CCDC102B: variants seen among roughly 807,000 people sequenced by gnomAD.
The protein encoded by CCDC102B is coiled-coil domain-containing protein 102B.
CCDC102B carries 75 observed loss-of-function variants against 57.4 expected under a neutral mutation model. The observed-to-expected ratio is 1.31, with a 90% CI of 1.08 to 1.58. CCDC102B has a LOEUF of 1.58. CCDC102B is among the 40% of genes most tolerant of loss of function. The pLI is 0.00. For synonymous variants in CCDC102B, 206 were observed against 201.9 expected (o/e 1.02, Z -0.17); for missense variants, 636 against 582.6 (o/e 1.09, Z -0.94).
At chr18:68,963,817 A>G (rs2050105212) in intron 6 of CCDC102B, among the ~76,000 whole-genome samples, 1 of 151,868 alleles carries the variant, frequency 6.6e-6, no homozygotes, top group African/African-American at 2.4e-5. Context: ...GTATGTATGT[A>G]TGTATGTATG....
rs905152836 is a variant in CCDC102B at position 68,959,907 on chromosome 18, A to C, written c.1264-51027A>C. Among the ~76,000 whole-genome samples the C allele has an allele frequency of 4.6e-5, 7 of 152,132 alleles. No homozygotes were observed. The East Asian group carries it at 1.4e-3, about 30-fold the overall frequency. ...AGGGTAGTGGGCTCCCCTCTGGCCCAGGACTGGTTCAGCAATGCTGTCCAG... is the reference window on the plus strand; with the variant it reads ...AGGGTAGTGGGCTCCCCTCTGGCCCCGGACTGGTTCAGCAATGCTGTCCAG... On this transcript the variant is annotated intron_variant, in intron 6 of 7. Coordinates refer to ENST00000360242, the MANE Select transcript of CCDC102B (RefSeq NM_024781.3).
At chr18:68,879,183 T>G (rs2039577411) in intron 5 of CCDC102B, among the ~76,000 whole-genome samples, 1 of 152,002 alleles carries the variant, frequency 6.6e-6, no homozygotes, top group Non-Finnish European at 1.5e-5. Context: ...TTACAGCTCT[T>G]AAGGCAGCAT....
chr18:68,875,128 T>C (rs984771292), intron 5 of CCDC102B, among the ~76,000 whole-genome samples: 5 of 152,272 alleles, frequency 3.3e-5, no homozygotes, highest in African/African-American at 1.2e-4. Context: ...ATACAAGATA[T>C]GTGTCATGCA....
intron 7 of CCDC102B, among the ~76,000 whole-genome samples, chr18:69,047,585 G>C (rs1289132655): frequency 2.0e-5 from 3 of 152,066 alleles, no homozygotes; most frequent in Admixed American, 1.3e-4. Flanking sequence ...AATTGGAAGA[G>C]AGAATGTGAG....
intron 2 of CCDC102B, among the ~76,000 whole-genome samples, chr18:68,763,036 T>A (rs2034306218): frequency 6.6e-6 from 1 of 152,128 alleles, no homozygotes; most frequent in African/African-American, 2.4e-5. Flanking sequence ...TATAGCATTA[T>A]TTCTGATATT....
rs79537054 is a variant in CCDC102B at position 68,894,052 on chromosome 18, A to G, written c.1054-3167A>G. On this transcript the variant is annotated intron_variant, in intron 5 of 7. Coordinates refer to ENST00000360242, the MANE Select transcript of CCDC102B (RefSeq NM_024781.3). Reference sequence around the variant, plus strand: ...AGCTTAAATATCAATCATTTCCTCAAACAACCTTCTCCTTTTACCTGATTT... The same window carrying G: ...AGCTTAAATATCAATCATTTCCTCAGACAACCTTCTCCTTTTACCTGATTT... Among the ~76,000 whole-genome samples, 1,293 of 152,034 alleles carry G rather than the reference A, an allele frequency of 8.5e-3. 18 individuals carry two copies. Among genetic ancestry groups the G allele is most frequent in the African/African-American group, 0.03 (1,241 of 41,510 alleles).
chr18:68,879,812 G>C (rs2039608769), intron 5 of CCDC102B, among the ~76,000 whole-genome samples: 1 of 152,170 alleles, frequency 6.6e-6, no homozygotes, highest in South Asian at 2.1e-4. Flanking sequence ...ACAGGGTGCT[G>C]ATTGGTGCAT....
intron 6 of CCDC102B, among the ~76,000 whole-genome samples, chr18:68,914,839 C>T (rs1194871622): frequency 6.6e-6 from 1 of 152,168 alleles, no homozygotes; most frequent in Non-Finnish European, 1.5e-5. Flanking sequence ...AGGAACTCAA[C>T]TCTCATTTAT....
At chr18:68,930,922 T>C (rs1394044122) in intron 6 of CCDC102B, among the ~76,000 whole-genome samples, 2 of 151,934 alleles carry the variant, frequency 1.3e-5, no homozygotes, top group African/African-American at 4.8e-5. Context: ...ATACACTTTT[T>C]TTTTTCAAAT....
intron 6 of CCDC102B, among the ~76,000 whole-genome samples, chr18:68,962,145 C>G (rs772630463): frequency 2.6e-5 from 4 of 152,044 alleles, no homozygotes; most frequent in Non-Finnish European, 5.9e-5. Context: ...CCATGTTTTG[C>G]TTTAGTTTCC....
chr18:68,787,613 C>T (rs1314122456), intron 2 of CCDC102B, among the ~76,000 whole-genome samples: 5 of 150,446 alleles, frequency 3.3e-5, no homozygotes, highest in African/African-American at 7.4e-5. Context: ...AGTTTATTTG[C>T]GTAGAGGTGT....
chr18:68,952,499 A>G (rs1362617615), intron 6 of CCDC102B, among the ~76,000 whole-genome samples: 1 of 152,138 alleles, frequency 6.6e-6, no homozygotes, highest in African/African-American at 2.4e-5. Flanking sequence ...AGGAACCAGG[A>G]AGGAAAAAGT....
At chr18:68,861,719 C>T (rs2038767875) in intron 4 of CCDC102B, among the ~76,000 whole-genome samples, 1 of 152,172 alleles carries the variant, frequency 6.6e-6, no homozygotes, top group African/African-American at 2.4e-5. Context: ...CAAGTATGCA[C>T]TGGTCACCAC....
intron 7 of CCDC102B, among the ~76,000 whole-genome samples, chr18:69,040,119 A>G (rs1197303072): frequency 2.0e-5 from 3 of 151,946 alleles, no homozygotes; most frequent in East Asian, 1.9e-4. Context: ...TATCTATTAC[A>G]TGAGGAATGA....
chr18:68,913,305 A>AGTGTGTGTGTGT (rs1191988172), intron 6 of CCDC102B, among the ~76,000 whole-genome samples: 21 of 29,500 alleles, frequency 7.1e-4, no homozygotes, highest in Admixed American at 2.4e-3. Flanking sequence ...TTGGATGGTT[A>AGTGTGTGTGTGT]GTGTCTGTGT....
At chr18:68,812,858 C>T (rs1028852790) in intron 1 of CCDC102B, among the ~76,000 whole-genome samples, 2 of 151,992 alleles carry the variant, frequency 1.3e-5, no homozygotes, top group African/African-American at 2.4e-5. Flanking sequence ...TAATCCAAGG[C>T]AAAAAGCCCA....
chr18:68,838,637 T>C, intron 2 of CCDC102B, 69 bp from the exon 3 acceptor site: 1 of 1,554,830 alleles, frequency 6.4e-7, no homozygotes. Context: ...TATTTCTTTA[T>C]GAAAATGTTT....
chr18:68,975,100 A>G (rs976394236), intron 6 of CCDC102B, among the ~76,000 whole-genome samples: 3 of 152,024 alleles, frequency 2.0e-5, no homozygotes, highest in African/African-American at 4.8e-5. Context: ...GCCCACGTGG[A>G]AAAATTACAA....
chr18:69,056,207 G>A (rs192452925), downstream of CCDC102B, among the ~76,000 whole-genome samples: 25 of 152,134 alleles, frequency 1.6e-4, no homozygotes, highest in Admixed American at 1.6e-3. Flanking sequence ...TAAACATTTG[G>A]TTTGTACAGA....
Sources: allele counts gnomAD v4.1 joint callset (sites outside exome capture counted in the v4.1 genomes callset), GRCh38; gene constraint gnomAD v4.1.1; transcripts MANE v1.5; gene names NCBI Gene and HGNC (gene_info 2026-07-23, HGNC 2026-07-21).